Variants in FAM228B observed in about 807,000 individuals in gnomAD.
FAM228B encodes the protein family with sequence similarity 228 member B.
In FAM228B, 38 loss-of-function variants were observed where a neutral mutation model predicts 42.6. The observed-to-expected ratio is 0.89, with a 90% CI of 0.69 to 1.17. The LOEUF (loss-of-function observed/expected upper bound fraction) is 1.17. Ranked by LOEUF, FAM228B falls within the 50% of genes most tolerant of loss-of-function variation. The pLI is 0.00. For synonymous variants in FAM228B, 109 were observed against 122.3 expected, an observed-to-expected ratio of 0.89 and a Z score of 0.72; for missense variants, 344 against 367.3, an observed-to-expected ratio of 0.94 and a Z score of 0.52.
At chr2:24,098,453 A>AC in intron 3 of FAM228B, among the ~76,000 whole-genome samples, 1 of 152,346 alleles carries the variant, frequency 6.6e-6, no homozygotes, top group South Asian at 2.1e-4. Flanking sequence ...AGGGGATATC[A>AC]CCACCAATCC....
At chr2:24,089,818 A>G (rs918507408) in intron 2 of FAM228B, among the ~76,000 whole-genome samples, 3 of 152,108 alleles carry the variant, frequency 2.0e-5, no homozygotes, top group African/African-American at 7.2e-5. Context: ...ATTAGCAAGT[A>G]TACAAAATTA....
rs1459315769 is a variant in FAM228B at position 24,164,058 on chromosome 2, A to G, written c.795-140A>G. The G allele has an allele frequency of 1.2e-5, 10 of 805,024 alleles. No homozygotes were observed. In the East Asian group the frequency reaches 1.8e-4, roughly 14 times the overall value. 49.9% of individuals were successfully genotyped at this position (805,024 alleles called of 1,614,324 possible). On this transcript the variant is annotated intron_variant, in intron 8 of 10. Coordinates refer to ENST00000615575, the MANE Select transcript of FAM228B (RefSeq NM_001145710.2). ...TTTATTTGGGTTTATTTTCACACAA[A>G]AAAAGTAAATACGTTTATTTTCATA...
intron 2 of FAM228B, 26 bp from the exon 3 acceptor site, chr2:24,135,093 T>C: frequency 7.2e-7 from 1 of 1,397,210 alleles, no homozygotes; most frequent in Non-Finnish European, 9.8e-7. Context: ...AGATTTTCTT[T>C]TCAAAGTTTA....
At chr2:24,091,703 T>C (rs1443033559) in intron 2 of FAM228B, among the ~76,000 whole-genome samples, 2 of 151,118 alleles carry the variant, frequency 1.3e-5, no homozygotes, top group Non-Finnish European at 1.5e-5. Context: ...ACAAAAATTA[T>C]ATAATGAAGA....
At chr2:24,156,817 T>TTTTG (rs1227736953) in intron 7 of FAM228B, among the ~76,000 whole-genome samples, 11 of 144,054 alleles carry the variant, frequency 7.6e-5, no homozygotes, top group Non-Finnish European at 1.2e-4. Context: ...CTTTTGTATT[T>TTTTG]TTTGTTTGTT....
chr2:24,079,378 G>C, intron 1 of FAM228B: 1 of 1,537,880 alleles, frequency 6.5e-7, no homozygotes, highest in Non-Finnish European at 8.9e-7. Context: ...TCCTTTCTCG[G>C]GGTAATGTAA....
At chr2:24,148,363 T>G (rs1456252017) in intron 7 of FAM228B, among the ~76,000 whole-genome samples, 1 of 152,216 alleles carries the variant, frequency 6.6e-6, no homozygotes, top group African/African-American at 2.4e-5. Flanking sequence ...TATCCCATGT[T>G]TTTCTCATGG....
intron 3 of FAM228B, among the ~76,000 whole-genome samples, chr2:24,109,965 C>T (rs905321254): frequency 1.3e-5 from 2 of 152,140 alleles, no homozygotes; most frequent in Non-Finnish European, 2.9e-5. Context: ...ATCATTCTAC[C>T]ATAAAGATAC....
intron 3 of FAM228B, among the ~76,000 whole-genome samples, chr2:24,101,255 A>T (rs1216721441): frequency 6.6e-6 from 1 of 152,210 alleles, no homozygotes; most frequent in Non-Finnish European, 1.5e-5. Context: ...TAGAACTTAA[A>T]GTATAATAAT....
intron 2 of FAM228B, among the ~76,000 whole-genome samples, chr2:24,090,691 C>G (rs1199490838): frequency 2.6e-5 from 4 of 151,790 alleles, no homozygotes; most frequent in Non-Finnish European, 5.9e-5. Flanking sequence ...GAGAAAACAC[C>G]ATATGAGCCA....
At chr2:24,103,966 C>T (rs1041393961) in intron 3 of FAM228B, among the ~76,000 whole-genome samples, 4 of 152,060 alleles carry the variant, frequency 2.6e-5, no homozygotes, top group Non-Finnish European at 5.9e-5. Flanking sequence ...GGGGTGGGGC[C>T]GAGATAGTGG....
At position 24,077,546 on chromosome 2, in the gene FAM228B, G is replaced by A; in HGVS notation, c.-290+577G>A. 1 of 1,592,156 alleles carries A rather than the reference G, an allele frequency of 6.3e-7. No individual in the cohort carries two copies. Among genetic ancestry groups the A allele is most frequent in the Non-Finnish European group, 8.5e-7 (1 of 1,170,154 alleles). On this transcript the variant is annotated intron_variant, in intron 1 of 10. Transcript: ENST00000613899. This position sits in a 1 kb window ranked among gnomAD's most constrained non-coding sequence, Gnocchi z 5.5. ...TCCAGGTTTGCTCTGGAAAGGCCTG[G>A]GGTGGCCGCGTCCTGTCCTGCCCCA...
chr2:24,137,297 T>G (rs1411222126), intron 3 of FAM228B, among the ~76,000 whole-genome samples: 1 of 152,172 alleles, frequency 6.6e-6, no homozygotes, highest in Admixed American at 6.5e-5. Context: ...TTCATTTGGG[T>G]AGGAGTGGAA....
At position 24,084,796 on chromosome 2, in the gene FAM228B, G is replaced by T. The variant is rs1291908919; in HGVS notation, c.-210+3841G>T. ...GTGGTTCTGGCTCCTGCGGGTCCCGGTGACAAAGCCCGAGCCCCAGAGCCC... is the reference window on the plus strand; with the variant it reads ...GTGGTTCTGGCTCCTGCGGGTCCCGTTGACAAAGCCCGAGCCCCAGAGCCC... On this transcript the variant is annotated intron_variant, in intron 2 of 10. Transcript: ENST00000613899. This position sits in a 1 kb window ranked among gnomAD's most constrained non-coding sequence, Gnocchi z 8.4. The T allele has an allele frequency of 2.0e-5, 3 of 153,682 alleles. No individual in the cohort carries two copies. The highest frequency in any genetic ancestry group is 4.8e-5 in the African/African-American group (2 of 41,490). The allele number at this position is 153,682 out of a possible 1,614,324, so 9.5% of individuals were successfully genotyped here.
rs1160514113 is a variant in FAM228B, at chr2:24,169,377, A to C, written c.*36A>C. ...AAAGGTTTCAGCAACCAAGGAGCAC[A>C]CACCCTGATCCTTGATTGGTGAAAG... is the stretch of plus-strand genomic sequence containing the variant. On this transcript the variant is annotated 3_prime_UTR_variant, in exon 11 of 11. Coordinates refer to ENST00000615575, the MANE Select transcript of FAM228B (RefSeq NM_001145710.2). This position sits in a 1 kb window ranked among gnomAD's most constrained non-coding sequence, Gnocchi z 4.2. 2 of 467,928 alleles carry C rather than the reference A, an allele frequency of 4.3e-6. No homozygotes were observed. The highest frequency in any genetic ancestry group is 2.0e-5 in the African/African-American group (1 of 50,010). 29.0% of individuals were successfully genotyped at this position (467,928 alleles called of 1,614,324 possible). A position where few individuals can be genotyped will look rare whatever the true frequency, so the allele number is the denominator to read the frequency against.
intron 2 of FAM228B, among the ~76,000 whole-genome samples, chr2:24,126,103 C>A (rs1338389195): frequency 6.6e-6 from 1 of 152,144 alleles, no homozygotes; most frequent in Non-Finnish European, 1.5e-5. Context: ...CAGTTTGGGG[C>A]TATTACAAAT....
At chr2:24,118,750 C>T (rs949432015), upstream of FAM228B, among the ~76,000 whole-genome samples, 1 of 152,112 alleles carries the variant, frequency 6.6e-6, no homozygotes, top group Non-Finnish European at 1.5e-5. Flanking sequence ...AAGGCAGAAG[C>T]TATATCTTAA....
chr2:24,160,654 G>A (rs1215832400), intron 7 of FAM228B, among the ~76,000 whole-genome samples: 1 of 151,868 alleles, frequency 6.6e-6, no homozygotes, highest in Non-Finnish European at 1.5e-5. Flanking sequence ...TCTTATCTTG[G>A]TGATTGGTTC....
At chr2:24,086,402 A>G (rs974849779) in intron 2 of FAM228B, among the ~76,000 whole-genome samples, 1 of 152,162 alleles carries the variant, frequency 6.6e-6, no homozygotes, top group African/African-American at 2.4e-5. Context: ...GCATGCCTAT[A>G]TTTTATAAAA....
Sources: gnomAD v4.1 joint callset for allele counts (sites outside exome capture counted in the v4.1 genomes callset) on GRCh38, gnomAD v4.1.1 for gene constraint, Gnocchi (gnomAD v3.1) non-coding constraint, MANE v1.5 for transcripts, NCBI Gene and HGNC (gene_info 2026-07-23, HGNC 2026-07-21) for gene names.